BACE2: variants seen among roughly 807,000 people sequenced by gnomAD.
BACE2 encodes 56 kDa aspartic-like protease.
In BACE2, 17 loss-of-function variants were observed where a neutral mutation model predicts 46.2. The ratio of observed to expected loss-of-function variants is 0.37; its 90% CI spans 0.25 to 0.55. The LOEUF is 0.55. Among genes scored for constraint, BACE2 ranks in the 20% least tolerant of loss-of-function variants. The pLI, the probability that BACE2 is intolerant of heterozygous loss-of-function variation, is 0.82. For synonymous variants in BACE2, 277 were observed against 295.9 expected, an observed-to-expected ratio of 0.94 and a Z score of 0.66; for missense variants, 595 against 698.1, an observed-to-expected ratio of 0.85 and a Z score of 1.66.
chr21:41,187,477 T>C (rs913605598), intron 1 of BACE2, among the ~76,000 whole-genome samples: 4 of 152,196 alleles, frequency 2.6e-5, no homozygotes, highest in African/African-American at 7.2e-5. Context: ...GAATGAAAGA[T>C]CGAATATGTT....
At position 41,179,571 on chromosome 21, in the gene BACE2, A is replaced by C. The variant is rs768053312; in HGVS notation, c.312+10996A>C. On this transcript the variant is annotated intron_variant, in intron 1 of 8. Coordinates refer to ENST00000330333, the MANE Select transcript of BACE2 (RefSeq NM_012105.5). ...AGGGTGAGTGAGGGTGTCCAGGGTGAGTGCACATGTGTGGTGAGGAGGTGT... is the reference window on the plus strand; with the variant it reads ...AGGGTGAGTGAGGGTGTCCAGGGTGCGTGCACATGTGTGGTGAGGAGGTGT... 4 of 1,366,994 alleles carry C rather than the reference A, an allele frequency of 2.9e-6. No individual in the cohort carries two copies. In the Admixed American group the frequency reaches 7.6e-5, roughly 26 times the overall value. The allele number at this position is 1,366,994 out of a possible 1,614,324, so 84.7% of individuals were successfully genotyped here.
At position 41,193,116 on chromosome 21, in the gene BACE2, C is replaced by T. The variant is rs1192969299; in HGVS notation, c.312+24541C>T. ...TCAAACTAATGGACCAGTGTGATATCTCGTGGAAACGAAAAGCGATCAAGG... is the reference window on the plus strand; with the variant it reads ...TCAAACTAATGGACCAGTGTGATATTTCGTGGAAACGAAAAGCGATCAAGG... On this transcript the variant is annotated intron_variant, in intron 1 of 8. Transcript: ENST00000330333. This position sits in a 1 kb window ranked among gnomAD's most constrained non-coding sequence, Gnocchi z 4.2. Among the ~76,000 whole-genome samples the T allele has an allele frequency of 6.6e-6, 1 of 152,190 alleles. No individual in the cohort carries two copies. The highest frequency in any genetic ancestry group is 2.1e-4 in the South Asian group (1 of 4,830).
intron 1 of BACE2, chr21:41,179,008 G>A (rs1984966559): frequency 1.0e-6 from 1 of 961,780 alleles, no homozygotes; most frequent in Non-Finnish European, 1.4e-6. Flanking sequence ...GAGGAGGACT[G>A]AGCCTTCAGA....
chr21:41,210,452 G>T (rs952301203), intron 1 of BACE2, among the ~76,000 whole-genome samples: 3 of 152,116 alleles, frequency 2.0e-5, no homozygotes, highest in African/African-American at 7.2e-5. Context: ...GCCAGGCAAG[G>T]GTTGAGCCGC....
chr21:41,275,808 C>T lies in BACE2; in HGVS notation c.*184C>T. On this transcript the variant is annotated 3_prime_UTR_variant, in exon 9 of 9. Coordinates refer to ENST00000330333, the MANE Select transcript of BACE2 (RefSeq NM_012105.5). ...TTCTTGATTTTCAAGCTTTCAAATCCTCCCTACTTCCAAGAAAAATAATTA... is the reference window on the plus strand; with the variant it reads ...TTCTTGATTTTCAAGCTTTCAAATCTTCCCTACTTCCAAGAAAAATAATTA... 1.4e-6 allele frequency: 1 copy of T among 725,600 alleles called. No homozygotes were observed. The highest frequency in any genetic ancestry group is 2.2e-6 in the Non-Finnish European group (1 of 458,436). 44.9% of individuals were successfully genotyped at this position (725,600 alleles called of 1,614,324 possible).
At chr21:41,211,174 A>T (rs1416185205) in intron 1 of BACE2, among the ~76,000 whole-genome samples, 1 of 61,108 alleles carries the variant, frequency 1.6e-5, no homozygotes, top group East Asian at 4.5e-4. Context: ...CCCCCTCCCC[A>T]TCCCTCTCCC....
chr21:41,215,664 G>A (rs1986442487), intron 1 of BACE2, among the ~76,000 whole-genome samples: 1 of 152,206 alleles, frequency 6.6e-6, no homozygotes, highest in African/African-American at 2.4e-5. Flanking sequence ...GTATCAGGAA[G>A]GAAGCAGGGA....
chr21:41,216,581 G>A (rs1397239195), intron 1 of BACE2, among the ~76,000 whole-genome samples: 1 of 152,240 alleles, frequency 6.6e-6, no homozygotes, highest in Non-Finnish European at 1.5e-5. Context: ...TGAGAGGCAG[G>A]ACCGGGTCTG....
intron 8 of BACE2, among the ~76,000 whole-genome samples, chr21:41,258,283 A>C (rs1354349775): frequency 6.6e-6 from 1 of 152,248 alleles, no homozygotes; most frequent in East Asian, 1.9e-4. Context: ...ATAGAACAAA[A>C]TTTGGGAATC....
chr21:41,226,231 C>T lies in BACE2; in HGVS notation c.313-35C>T, dbSNP rs772712218. The T allele has an allele frequency of 5.9e-6, 9 of 1,530,130 alleles. 1 individual carries two copies. The South Asian group carries it at 1.1e-4, about 18-fold the overall frequency. The allele number at this position is 1,530,130 out of a possible 1,614,324, so 94.8% of individuals were successfully genotyped here. On this transcript the variant is annotated intron_variant, in intron 1 of 8. Coordinates refer to ENST00000330333, the MANE Select transcript of BACE2 (RefSeq NM_012105.5). The stretch of plus-strand genomic sequence containing the variant: ...ATTGCCTTATTAAAATAACTTGATG[C>T]TTTCTATTTTTTTTTTCTCCTTAAA...
At chr21:41,270,232 C>T (rs2088421121) in intron 8 of BACE2, among the ~76,000 whole-genome samples, 1 of 152,162 alleles carries the variant, frequency 6.6e-6, no homozygotes, top group African/African-American at 2.4e-5. Context: ...ATGAAGAATA[C>T]AAGTCCTTTA....
chr21:41,232,492 C>T (rs1986994633), intron 2 of BACE2, among the ~76,000 whole-genome samples: 1 of 152,190 alleles, frequency 6.6e-6, no homozygotes, highest in South Asian at 2.1e-4. Flanking sequence ...AAATGTGATT[C>T]CCAGTGTTGG....
chr21:41,273,418 C>T (rs984141879), intron 8 of BACE2, among the ~76,000 whole-genome samples: 2 of 152,212 alleles, frequency 1.3e-5, no homozygotes, highest in Admixed American at 1.3e-4. Context: ...GCAGCCATTT[C>T]AGGGACCTAC....
chr21:41,243,662 A>G, intron 5 of BACE2, 152 bp downstream of exon 5: 1 of 788,684 alleles, frequency 1.3e-6, no homozygotes, highest in Non-Finnish European at 1.9e-6. Context: ...GCTGTACAGT[A>G]AGTTGAAATC....
Position 41,264,283 on chromosome 21 carries a change from C to G in BACE2, c.1303+6957C>G, listed in dbSNP as rs528581745. Among the ~76,000 whole-genome samples, 3 of 150,244 alleles carry G rather than the reference C, an allele frequency of 2.0e-5. No homozygotes were observed. The East Asian group carries it at 6.1e-4, about 30-fold the overall frequency. On this transcript the variant is annotated intron_variant, in intron 8 of 8. Transcript: ENST00000330333. ...TCATTTCTAGAAATTGTATCTCATA[C>G]TTTTCCAAATATACCATAGCCGGGC...
chr21:41,228,065 C>T (rs551751905), intron 2 of BACE2, among the ~76,000 whole-genome samples: 1 of 152,348 alleles, frequency 6.6e-6, no homozygotes, highest in East Asian at 1.9e-4. Flanking sequence ...AGTCCCCAAA[C>T]CTTCAGCCAA....
At position 41,168,505 on chromosome 21, in the gene BACE2, T is replaced by G. The variant is rs762772278; in HGVS notation, c.242T>G (p.Val81Gly). The G allele has an allele frequency of 2.4e-5, 32 of 1,355,082 alleles. No homozygotes were observed. Among genetic ancestry groups the G allele is most frequent in the Non-Finnish European group, 3.0e-5 (31 of 1,046,592 alleles). 83.9% of individuals were successfully genotyped at this position (1,355,082 alleles called of 1,614,324 possible). ...GGCGCCGCCAACTTCTTGGCCATGG[T>G]AGACAACCTGCAGGGGGACTCTGGC... is the stretch of plus-strand genomic sequence containing the variant. The part of the protein sequence containing the change: ...PAGAANFLAM[V>G]DNLQGDSGRG... Residue 81 changes from valine (V) to glycine (G), a missense_variant, in exon 1 of 9, where the codon GTA becomes GGA. This residue lies in a region of BACE2 where 248 missense variants were observed against 261.4 expected (regional missense o/e 0.95). Transcript: ENST00000330333.
intron 1 of BACE2, among the ~76,000 whole-genome samples, chr21:41,215,491 A>G (rs915632257): frequency 2.0e-5 from 3 of 152,198 alleles, no homozygotes; most frequent in African/African-American, 7.2e-5. Context: ...CTGCCCTGCA[A>G]AGGCCCTCGA....
chr21:41,206,079 T>C (rs772778750), intron 1 of BACE2, among the ~76,000 whole-genome samples: 6 of 152,190 alleles, frequency 3.9e-5, no homozygotes, highest in East Asian at 1.9e-4. Flanking sequence ...TCTATACTTA[T>C]GTTTTAGTTT....
Sources: allele counts gnomAD v4.1 joint callset (sites outside exome capture counted in the v4.1 genomes callset), GRCh38; gene constraint gnomAD v4.1.1; regional missense constraint gnomAD v4.1.1; non-coding constraint Gnocchi (gnomAD v3.1); transcripts MANE v1.5; gene names NCBI Gene and HGNC (gene_info 2026-07-23, HGNC 2026-07-21).